Variants in AUH observed in about 807,000 individuals in gnomAD.
The protein encoded by AUH is methylglutaconyl-CoA hydratase, mitochondrial.
Under a neutral mutation model 42.3 loss-of-function variants are expected in AUH, and 29 were observed. The ratio of observed to expected loss-of-function variants is 0.69; its 90% CI spans 0.51 to 0.93. AUH has a LOEUF of 0.93. Ranked by LOEUF, AUH falls within the 40% of genes least tolerant of loss-of-function variation. AUH has a pLI of 0.00. For synonymous variants in AUH, 174 were observed against 166.4 expected (o/e 1.05, Z -0.35); for missense variants, 452 against 438.1 (o/e 1.03, Z -0.28).
At chr9:91,225,424 G>A (rs184331186) in intron 6 of AUH, among the ~76,000 whole-genome samples, 231 of 152,270 alleles carry the variant, frequency 1.5e-3, no homozygotes, top group Non-Finnish European at 2.3e-3. Flanking sequence ...TGAAGATAGC[G>A]TATCCTATTT....
chr9:91,323,559 G>A (rs1829747288), intron 4 of AUH, among the ~76,000 whole-genome samples: 1 of 151,438 alleles, frequency 6.6e-6, no homozygotes, highest in African/African-American at 2.4e-5. Flanking sequence ...GGATGCGGAG[G>A]TTGCAGTGAG....
At chr9:91,297,917 A>C in intron 5 of AUH, 67 bp downstream of exon 5, 2 of 1,249,356 alleles carry the variant, frequency 1.6e-6, no homozygotes, top group Non-Finnish European at 1.2e-6. Context: ...AAATATTTAA[A>C]ATTACCTGAA....
chr9:91,263,949 A>C (rs1351747536), intron 6 of AUH, among the ~76,000 whole-genome samples: 1 of 152,158 alleles, frequency 6.6e-6, no homozygotes, highest in Non-Finnish European at 1.5e-5. Context: ...CATGTATATC[A>C]ATTTCTCACT....
chr9:91,360,821 G>A (rs1832788711), intron 1 of AUH, among the ~76,000 whole-genome samples: 1 of 152,180 alleles, frequency 6.6e-6, no homozygotes, highest in African/African-American at 2.4e-5. Context: ...ACAAATGCAT[G>A]TCAAAATTAA....
intron 6 of AUH, among the ~76,000 whole-genome samples, chr9:91,259,138 T>C (rs1187509626): frequency 6.6e-6 from 1 of 152,232 alleles, no homozygotes; most frequent in Non-Finnish European, 1.5e-5. Context: ...CTAGTGAAGC[T>C]ATCTGCTCAG....
At chr9:91,286,985 C>T (rs1032794561) in intron 6 of AUH, among the ~76,000 whole-genome samples, 2 of 151,844 alleles carry the variant, frequency 1.3e-5, no homozygotes, top group African/African-American at 2.4e-5. Flanking sequence ...GCAATACATG[C>T]TAATTAGCTT....
intron 3 of AUH, among the ~76,000 whole-genome samples, chr9:91,332,473 G>C (rs2131909276): frequency 6.6e-6 from 1 of 152,322 alleles, no homozygotes; most frequent in East Asian, 1.9e-4. Flanking sequence ...CTGCACTCCA[G>C]CCTGGGCAAC....
chr9:91,295,245 C>T (rs1173630114), intron 6 of AUH, among the ~76,000 whole-genome samples: 2 of 152,072 alleles, frequency 1.3e-5, no homozygotes, highest in African/African-American at 4.8e-5. Flanking sequence ...TATAAATTAC[C>T]CAGTCTCGCA....
At chr9:91,313,337 G>A (rs975718002) in intron 4 of AUH, among the ~76,000 whole-genome samples, 22 of 152,152 alleles carry the variant, frequency 1.4e-4, no homozygotes, top group Non-Finnish European at 3.2e-4. Flanking sequence ...TCCACCATCA[G>A]TATCCATGAA....
chr9:91,269,262 A>G (rs1824919406), intron 6 of AUH, among the ~76,000 whole-genome samples: 1 of 152,236 alleles, frequency 6.6e-6, no homozygotes, highest in South Asian at 2.1e-4. Context: ...TATAGGCGTG[A>G]GCCACCACGC....
Position 91,355,956 on chromosome 9 carries a change from C to T in AUH, c.345G>A (p.Val115=). The T allele has an allele frequency of 6.2e-7, 1 of 1,612,950 alleles. No individual in the cohort carries two copies. The highest frequency in any genetic ancestry group is 8.5e-7 in the Non-Finnish European group (1 of 1,179,486). Residue 115 remains valine (V), a synonymous_variant, in exon 3 of 10, where the codon GTG becomes GTA. Transcript: ENST00000375731. The part of the protein sequence containing the change: ...KNLIKMLSKA[V]DALKSDKKVR... ...CTTTCTTATCAGATTTCAAAGCATC[C>T]ACAGCTTTTGATAGCTAAACAGAAA... is the stretch of plus-strand genomic sequence containing the variant.
intron 4 of AUH, among the ~76,000 whole-genome samples, chr9:91,316,593 G>A (rs976720274): frequency 6.6e-6 from 1 of 152,154 alleles, no homozygotes; most frequent in African/African-American, 2.4e-5. Context: ...ATGTAAAATG[G>A]CATCCCACTG....
At chr9:91,315,243 GTT>G (rs1179988513) in intron 4 of AUH, among the ~76,000 whole-genome samples, 1 of 152,172 alleles carries the variant, frequency 6.6e-6, no homozygotes, top group Non-Finnish European at 1.5e-5. Flanking sequence ...CCAGCCCTCT[GTT>G]TCATCTTTTG....
chr9:91,247,564 T>C (rs542501998), intron 6 of AUH, among the ~76,000 whole-genome samples: 3 of 152,262 alleles, frequency 2.0e-5, no homozygotes, highest in African/African-American at 7.2e-5. Flanking sequence ...ACAAATCCCA[T>C]TGTGTCCTCC....
At chr9:91,361,115 GAACAGTCCCTC>G (rs1587941573) in intron 1 of AUH, among the ~76,000 whole-genome samples, 3 of 152,220 alleles carry the variant, frequency 2.0e-5, no homozygotes, top group African/African-American at 7.2e-5. Flanking sequence ...AAATGAAGTG[GAACAGTCCCTC>G]AAGACTAACT....
chr9:91,220,987 T>C lies in AUH; in HGVS notation c.661A>G (p.Thr221Ala). ...KLAIIPGGGG[T>A]QRLPRAIGMS... ...CCAATGGCGCGTGGCAATCGCTGTG[T>C]CCCCCCTGAGGGGTGAAAGAGAGAG... Residue 221 changes from threonine (T) to alanine (A), a missense_variant, in exon 7 of 10, where the codon ACA becomes GCA. Thr to Ala is a moderately conservative substitution (Grantham distance 58, BLOSUM62 0). Coordinates refer to ENST00000375731, the MANE Select transcript of AUH (RefSeq NM_001698.3). 6.2e-7 allele frequency: 1 copy of C among 1,614,100 alleles called. No homozygotes were observed. The highest frequency in any genetic ancestry group is 8.5e-7 in the Non-Finnish European group (1 of 1,180,032).
Position 91,220,823 on chromosome 9 carries a change from C to G in AUH, c.825G>C (p.Ala275=), listed in dbSNP as rs781471363. The change falls in exon 7 of 10, where the codon GCG becomes GCC. Residue 275 remains alanine, a synonymous_variant. Coordinates refer to ENST00000375731, the MANE Select transcript of AUH (RefSeq NM_001698.3). ...DAAYRKALDL[A]REFLPQGPVA... ...GAAATACCTGAGGTAAAAACTCTCT[C>G]GCCAGGTCCAAGGCCTTCCTGTAGG... is the stretch of plus-strand genomic sequence containing the variant. The G allele has an allele frequency of 1.9e-6, 3 of 1,614,042 alleles. No individual in the cohort carries two copies. The highest frequency in any genetic ancestry group is 1.7e-5 in the Admixed American group (1 of 60,002).
chr9:91,290,194 T>C (rs932179237), intron 6 of AUH, among the ~76,000 whole-genome samples: 14 of 151,214 alleles, frequency 9.3e-5, no homozygotes, highest in African/African-American at 2.7e-4. Context: ...GGCAGGAGGA[T>C]TGCTTGAGGC....
intron 3 of AUH, among the ~76,000 whole-genome samples, chr9:91,332,780 C>T (rs569018203): frequency 5.3e-5 from 8 of 152,214 alleles, no homozygotes; most frequent in African/African-American, 1.9e-4. Context: ...GAAATGCGTG[C>T]GCACAATTGA....
Sources: gnomAD v4.1 joint callset for allele counts (sites outside exome capture counted in the v4.1 genomes callset) on GRCh38, gnomAD v4.1.1 for gene constraint, MANE v1.5 for transcripts, NCBI Gene and HGNC (gene_info 2026-07-23, HGNC 2026-07-21) for gene names.